Variants in ATP11B observed in about 807,000 individuals in gnomAD.
The protein encoded by ATP11B is ATPase phospholipid transporting 11B (putative).
A neutral mutation model predicts 157.8 loss-of-function variants in ATP11B; 81 were observed. The ratio of observed to expected loss-of-function variants is 0.51; its 90% CI spans 0.43 to 0.62. The LOEUF (loss-of-function observed/expected upper bound fraction) is 0.62, where lower values mean the gene tolerates loss of function less well. Among genes scored for constraint, ATP11B ranks in the 20% least tolerant of loss-of-function variants. ATP11B has a pLI of 0.00. For synonymous variants in ATP11B, 451 were observed against 469.4 expected (o/e 0.96, Z 0.51); for missense variants, 1,165 against 1,402.2 (o/e 0.83, Z 2.70).
intron 9 of ATP11B, among the ~76,000 whole-genome samples, chr3:182,846,446 A>G (rs930975644): frequency 1.3e-5 from 2 of 152,228 alleles, no homozygotes; most frequent in African/African-American, 2.4e-5. Context: ...ATATAGAATT[A>G]TATGACTTAA....
chr3:182,917,343 T>C (rs1725207346), intron 29 of ATP11B: 1 of 985,310 alleles, frequency 1.0e-6, no homozygotes. Flanking sequence ...TCTTGAGTTA[T>C]TTTAGCTTAA....
At chr3:182,803,763 T>C (rs1289094324) in intron 1 of ATP11B, among the ~76,000 whole-genome samples, 1 of 152,214 alleles carries the variant, frequency 6.6e-6, no homozygotes, top group Non-Finnish European at 1.5e-5. Flanking sequence ...TCCACGAGTC[T>C]GTGTTGTTTG....
intron 28 of ATP11B, among the ~76,000 whole-genome samples, chr3:182,905,343 T>C (rs1724271758): frequency 6.6e-6 from 1 of 152,214 alleles, no homozygotes; most frequent in African/African-American, 2.4e-5. Flanking sequence ...ATTTCTTTTG[T>C]TAACAAATAG....
chr3:182,882,807 A>G (rs551259492), intron 21 of ATP11B, among the ~76,000 whole-genome samples: 1 of 152,348 alleles, frequency 6.6e-6, no homozygotes, highest in East Asian at 1.9e-4. Context: ...TAATCCTGGT[A>G]TACAAAGTAT....
At chr3:182,806,683 C>G (rs910697132) in intron 1 of ATP11B, among the ~76,000 whole-genome samples, 1 of 152,042 alleles carries the variant, frequency 6.6e-6, no homozygotes, top group South Asian at 2.1e-4. Context: ...TATTATTGGA[C>G]CTTGTTCATT....
chr3:182,856,178 G>A (rs1233037799), intron 10 of ATP11B, among the ~76,000 whole-genome samples: 1 of 152,156 alleles, frequency 6.6e-6, no homozygotes, highest in East Asian at 1.9e-4. Context: ...TGTTGCTGTA[G>A]TAGGTTTTCT....
intron 9 of ATP11B, 87 bp downstream of exon 9, chr3:182,845,609 G>T (rs1158344145): frequency 3.8e-6 from 3 of 795,382 alleles, no homozygotes; most frequent in African/African-American, 1.8e-5. Context: ...TGGTCTTTTG[G>T]TTAGATAATT....
At chr3:182,811,991 T>G (rs570879004) in intron 1 of ATP11B, among the ~76,000 whole-genome samples, 1 of 152,166 alleles carries the variant, frequency 6.6e-6, no homozygotes, top group African/African-American at 2.4e-5. Flanking sequence ...CGTGTAAAAT[T>G]AATAGCACAA....
intron 28 of ATP11B, chr3:182,902,644 A>T: frequency 1.1e-6 from 1 of 893,062 alleles, no homozygotes; most frequent in Non-Finnish European, 1.5e-6. Context: ...AGATGGGCAG[A>T]GGCATAAATA....
chr3:182,796,641 G>A (rs1715613743), intron 1 of ATP11B, among the ~76,000 whole-genome samples: 1 of 152,184 alleles, frequency 6.6e-6, no homozygotes, highest in Non-Finnish European at 1.5e-5. Flanking sequence ...CATTTTTAAA[G>A]CACTTGCTGT....
Position 182,898,663 on chromosome 3 carries a change from G to A in ATP11B, c.3209G>A (p.Gly1070Asp), listed in dbSNP as rs772719772. ...GTGTTTATTCAGCTCCTGTCAAGTG[G>A]TTCTGCTTGGTTTGCCATAATCCTC... ...YFVFIQLLSS[G>D]SAWFAIILMV... Residue 1070 changes from glycine to aspartate, a missense_variant, in exon 28 of 30, where the codon GGT becomes GAT. Transcript: ENST00000323116. 2 of 1,609,554 alleles carry A rather than the reference G, an allele frequency of 1.2e-6. No individual in the cohort carries two copies. The highest frequency in any genetic ancestry group is 1.7e-6 in the Non-Finnish European group (2 of 1,177,998).
At chr3:182,879,471 A>G (rs763985807) in intron 19 of ATP11B, 25 bp from the exon 20 acceptor site, 11 of 1,573,488 alleles carry the variant, frequency 7.0e-6, no homozygotes, top group Non-Finnish European at 8.6e-6. Context: ...TATCTTACAG[A>G]GAATATAATT....
At chr3:182,838,658 A>G (rs949572836) in intron 7 of ATP11B, among the ~76,000 whole-genome samples, 1 of 151,870 alleles carries the variant, frequency 6.6e-6, no homozygotes, top group African/African-American at 2.4e-5. Flanking sequence ...GCTCATTGTG[A>G]TAGGTGAATA....
intron 10 of ATP11B, among the ~76,000 whole-genome samples, chr3:182,850,880 A>G (rs1179101108): frequency 6.6e-6 from 1 of 151,092 alleles, no homozygotes; most frequent in Non-Finnish European, 1.5e-5. Flanking sequence ...ATACATACCT[A>G]AAAAAAAAGG....
chr3:182,855,380 T>C (rs1218309081), intron 10 of ATP11B, among the ~76,000 whole-genome samples: 3 of 152,130 alleles, frequency 2.0e-5, no homozygotes, highest in Non-Finnish European at 4.4e-5. Flanking sequence ...ACCCCCACTG[T>C]ATGTAAAAAT....
intron 1 of ATP11B, among the ~76,000 whole-genome samples, chr3:182,817,725 T>C (rs1000214471): frequency 7.2e-5 from 11 of 152,228 alleles, no homozygotes; most frequent in African/African-American, 2.7e-4. Context: ...TATGTGCATT[T>C]ATATGTTAAT....
intron 28 of ATP11B, among the ~76,000 whole-genome samples, chr3:182,901,818 A>AT (rs1723988574): frequency 2.0e-5 from 3 of 152,240 alleles, no homozygotes; most frequent in Non-Finnish European, 2.9e-5. Context: ...TTCTTTCACT[A>AT]TAAAGCTAAA....
At chr3:182,799,317 C>G (rs1715829699) in intron 1 of ATP11B, among the ~76,000 whole-genome samples, 1 of 148,296 alleles carries the variant, frequency 6.7e-6, no homozygotes, top group African/African-American at 2.5e-5. Context: ...TTCGCTCTTT[C>G]GCCCAGGCGG....
At position 182,918,484 on chromosome 3, in the gene ATP11B, CT is replaced by C; in HGVS notation, c.*381del. 2.5e-6 allele frequency: 1 copy of C among 397,706 alleles called. No homozygotes were observed. Among genetic ancestry groups the C allele is most frequent in the Middle Eastern group, 6.3e-4 (1 of 1,578 alleles). The allele number at this position is 397,706 out of a possible 1,614,324, so 24.6% of individuals were successfully genotyped here. On this transcript the variant is annotated 3_prime_UTR_variant, in exon 30 of 30. Transcript: ENST00000323116. ...TTTTTAGTATTAGCTTGATTATTGA[CT>C]CTTCTATTTAAATCTGCTTCTGTAA... is the stretch of plus-strand genomic sequence containing the variant.
Sources: allele counts gnomAD v4.1 joint callset (sites outside exome capture counted in the v4.1 genomes callset), GRCh38; gene constraint gnomAD v4.1.1; transcripts MANE v1.5; gene names NCBI Gene and HGNC (gene_info 2026-07-23, HGNC 2026-07-21).